The following SIDT1 variants were observed in gnomAD, a reference collection of about 807,000 sequenced individuals.
SIDT1 encodes the protein SID1 transmembrane family member 1, also known as SID1 transmembrane family, member 1.
A neutral mutation model predicts 107.5 loss-of-function variants in SIDT1; 101 were observed. That is an observed-to-expected ratio of 0.94 (90% confidence interval 0.80 to 1.11). SIDT1 has a LOEUF of 1.11. SIDT1 is among the 50% of genes least tolerant of loss of function. SIDT1 has a pLI of 0.00. For synonymous variants in SIDT1, 395 were observed against 398.2 expected, an observed-to-expected ratio of 0.99 and a Z score of 0.10; for missense variants, 1,076 against 1,058.2, an observed-to-expected ratio of 1.02 and a Z score of -0.23.
intron 10 of SIDT1, among the ~76,000 whole-genome samples, chr3:113,596,413 A>G (rs1484211529): frequency 6.6e-6 from 1 of 152,220 alleles, no homozygotes; most frequent in African/African-American, 2.4e-5. Context: ...TCTCCATGTT[A>G]GCTCCAACTA....
chr3:113,594,421 C>T lies in SIDT1; in HGVS notation c.1045+1373C>T, dbSNP rs183450030. ...CCTACAGGAAAAAAGTTTTGTGCCT[C>T]CAAGTTTTGTGATTAGTTTAGGCCT... On this transcript the variant is annotated intron_variant, in intron 10 of 24. Transcript: ENST00000264852. 1.4e-3 allele frequency among the ~76,000 whole-genome samples: 206 copies of T among 152,266 alleles called. 2 individuals carry two copies. Among genetic ancestry groups the T allele is most frequent in the Non-Finnish European group, 2.5e-3 (169 of 68,014 alleles).
chr3:113,580,247 T>G (rs1453609361), intron 4 of SIDT1, among the ~76,000 whole-genome samples: 1 of 152,216 alleles, frequency 6.6e-6, no homozygotes, highest in Admixed American at 6.5e-5. Context: ...GAAGTGAATC[T>G]TATCACATGT....
At chr3:113,634,045 T>C (rs1947109254), downstream of SIDT1, among the ~76,000 whole-genome samples, 1 of 152,204 alleles carries the variant, frequency 6.6e-6, no homozygotes, top group African/African-American at 2.4e-5. Flanking sequence ...AATAAGGTGA[T>C]ATAACTGATG....
Position 113,627,847 on chromosome 3 carries a change from G to A in SIDT1, c.*139G>A. 1.4e-6 allele frequency: 1 copy of A among 737,630 alleles called. No homozygotes were observed. The highest frequency in any genetic ancestry group is 2.3e-6 in the Non-Finnish European group (1 of 432,098). The allele number at this position is 737,630 out of a possible 1,614,324, so 45.7% of individuals were successfully genotyped here. A position where few individuals can be genotyped will look rare whatever the true frequency, so the allele number is the denominator to read the frequency against. On this transcript the variant is annotated 3_prime_UTR_variant, in exon 25 of 25. Coordinates refer to ENST00000264852, the MANE Select transcript of SIDT1 (RefSeq NM_017699.3). ...GCCAACTCTGCATTCACACAGGAAG[G>A]AGAGGGGCTGCGGGAGATTTAAACC...
intron 12 of SIDT1, 105 bp downstream of exon 12, chr3:113,603,255 AC>A: frequency 8.2e-7 from 1 of 1,220,812 alleles, no homozygotes. Flanking sequence ...CTTCAGGGAA[AC>A]CCAAATTTCC....
intron 3 of SIDT1, among the ~76,000 whole-genome samples, chr3:113,573,570 T>A (rs28446408): frequency 1.3e-5 from 2 of 152,088 alleles, no homozygotes; most frequent in Non-Finnish European, 2.9e-5. Flanking sequence ...CAATGTTTAC[T>A]TTCCCCAAAA....
intron 5 of SIDT1, 120 bp downstream of exon 5, chr3:113,580,829 A>G (rs1013308437): frequency 1.5e-6 from 1 of 682,460 alleles, no homozygotes; most frequent in Non-Finnish European, 2.6e-6. Context: ...CAAAACTACT[A>G]AACAATACGA....
In SIDT1 at chr3:113,548,829, A is replaced by G. The variant is rs140883461; in HGVS notation, c.222+15586A>G. On this transcript the variant is annotated intron_variant, in intron 1 of 24. Coordinates refer to ENST00000264852, the MANE Select transcript of SIDT1 (RefSeq NM_017699.3). Reference sequence around the variant, plus strand: ...TACTACTCTTTGTCTTATTCAATATATAAGTATTCAAATCTAACTGTGTCT... The same window carrying G: ...TACTACTCTTTGTCTTATTCAATATGTAAGTATTCAAATCTAACTGTGTCT... Among the ~76,000 whole-genome samples, 345 of 152,250 alleles carry G rather than the reference A, an allele frequency of 2.3e-3. 2 individuals are homozygous for G. Among genetic ancestry groups the G allele is most frequent in the African/African-American group, 8.1e-3 (335 of 41,552 alleles).
intron 3 of SIDT1, among the ~76,000 whole-genome samples, chr3:113,572,094 T>C (rs1942513458): frequency 6.6e-6 from 1 of 151,954 alleles, no homozygotes; most frequent in Non-Finnish European, 1.5e-5. Flanking sequence ...AGAGGTGAAA[T>C]TGCTGAAATT....
chr3:113,533,235 C>A lies in SIDT1; in HGVS notation c.214C>A (p.Pro72Thr). The A allele has an allele frequency of 2.0e-6, 3 of 1,482,880 alleles. No individual in the cohort carries two copies. The South Asian group carries it at 4.1e-5, about 20-fold the overall frequency. The allele number at this position is 1,482,880 out of a possible 1,614,324, so 91.9% of individuals were successfully genotyped here. The change falls in exon 1 of 25, where the codon CCC becomes ACC. Residue 72 changes from proline (P) to threonine (T), a missense_variant. Physicochemically the swap from Pro to Thr is conservative, Grantham distance 38. Coordinates refer to ENST00000264852, the MANE Select transcript of SIDT1 (RefSeq NM_017699.3). ...NIYSFNYTSQ[P>T]DQVTAVRVYV... ...CTACTCTTTCAACTACACCAGCCAGCCCGACCAGGTAAGACACTCGCTCCC... is the reference window on the plus strand; with the variant it reads ...CTACTCTTTCAACTACACCAGCCAGACCGACCAGGTAAGACACTCGCTCCC...
At chr3:113,617,095 C>G (rs1473244645) in intron 20 of SIDT1, among the ~76,000 whole-genome samples, 2 of 152,062 alleles carry the variant, frequency 1.3e-5, no homozygotes, top group Non-Finnish European at 2.9e-5. Context: ...AAAGAGGTAC[C>G]CTTGTGGAAG....
intron 6 of SIDT1, 27 bp downstream of exon 6, chr3:113,581,471 T>C: frequency 6.4e-7 from 1 of 1,555,368 alleles, no homozygotes; most frequent in Non-Finnish European, 8.9e-7. Flanking sequence ...GTGGGCATTA[T>C]TGCCAATGGT....
At chr3:113,552,295 G>A (rs943814707) in intron 1 of SIDT1, among the ~76,000 whole-genome samples, 1 of 152,112 alleles carries the variant, frequency 6.6e-6, no homozygotes, top group South Asian at 2.1e-4. Flanking sequence ...GTTAACAAAG[G>A]GATAAGCATT....
intron 19 of SIDT1, among the ~76,000 whole-genome samples, chr3:113,613,751 G>T (rs962538349): frequency 6.6e-6 from 1 of 152,198 alleles, no homozygotes; most frequent in African/African-American, 2.4e-5. Context: ...CTTGAGTGCA[G>T]ATATATGCAA....
At chr3:113,550,959 A>G (rs1940167426) in intron 1 of SIDT1, among the ~76,000 whole-genome samples, 1 of 151,804 alleles carries the variant, frequency 6.6e-6, no homozygotes, top group African/African-American at 2.4e-5. Flanking sequence ...GCTCCCCTCT[A>G]TGTGTCCATG....
chr3:113,589,528 C>CAT (rs1560084125), intron 9 of SIDT1, among the ~76,000 whole-genome samples: 26 of 135,862 alleles, frequency 1.9e-4, no homozygotes, highest in African/African-American at 5.9e-4. Context: ...AACTTCTCTC[C>CAT]CTTTTTTTTT....
chr3:113,598,723 A>T (rs1343173144), intron 10 of SIDT1, among the ~76,000 whole-genome samples: 1 of 152,212 alleles, frequency 6.6e-6, no homozygotes, highest in Non-Finnish European at 1.5e-5. Flanking sequence ...AAAATATATG[A>T]TAATATTCTC....
intron 19 of SIDT1, among the ~76,000 whole-genome samples, chr3:113,613,513 G>T (rs564849325): frequency 2.0e-5 from 3 of 152,312 alleles, no homozygotes; most frequent in African/African-American, 7.2e-5. Context: ...GTTTTCAAAG[G>T]TTAATTCTTT....
At chr3:113,573,127 G>A (rs898337079) in intron 3 of SIDT1, among the ~76,000 whole-genome samples, 3 of 152,134 alleles carry the variant, frequency 2.0e-5, no homozygotes, top group East Asian at 1.9e-4. Flanking sequence ...CGATAGAAAG[G>A]GGGTAGTCCA....
Sources: allele counts gnomAD v4.1 joint callset (sites outside exome capture counted in the v4.1 genomes callset), GRCh38; gene constraint gnomAD v4.1.1; transcripts MANE v1.5; gene names NCBI Gene and HGNC (gene_info 2026-07-23, HGNC 2026-07-21).